GNAS: variants seen among roughly 807,000 people sequenced by gnomAD.
GNAS encodes protein ALEX.
In GNAS, 8 loss-of-function variants were observed where a neutral mutation model predicts 54.5. The ratio of observed to expected loss-of-function variants is 0.15; its 90% confidence interval spans 0.09 to 0.26. GNAS has a LOEUF of 0.26. Among genes scored for constraint, GNAS ranks in the 10% least tolerant of loss-of-function variants. The pLI is 1.00. For missense variants in GNAS, 170 were observed against 529.8 expected (o/e 0.32, Z 6.67); for synonymous variants, 204 against 191.4 (o/e 1.07, Z -0.54).
In GNAS at chr20:58,859,065, T is replaced by G. The variant is rs185189708; in HGVS notation, c.43+18179T>G. 7.6e-4 allele frequency among the ~76,000 whole-genome samples: 116 copies of G among 152,334 alleles called. 1 individual carries two copies. Among genetic ancestry groups the G allele is most frequent in the African/African-American group, 2.7e-3 (111 of 41,576 alleles). The stretch of plus-strand genomic sequence containing the variant: ...TAAAATTTACCCCCATTATTTACAA[T>G]GGAAAACTGGTTTTAAGCAAAAAGA... On this transcript the variant is annotated intron_variant, in intron 1 of 12. Coordinates refer to the GNAS transcript ENST00000306090.
chr20:58,901,733 T>G (rs1366449827), intron 3 of GNAS, among the ~76,000 whole-genome samples: 2 of 152,124 alleles, frequency 1.3e-5, no homozygotes, highest in Non-Finnish European at 2.9e-5. Context: ...CACAGACATT[T>G]ATTCAGAAAG....
At chr20:58,886,143 G>A (rs1437799682) in intron 1 of GNAS, among the ~76,000 whole-genome samples, 2 of 152,174 alleles carry the variant, frequency 1.3e-5, no homozygotes, top group African/African-American at 2.4e-5. Context: ...CAGGGGCCAA[G>A]GAACACAAAC....
intron 2 of GNAS, chr20:58,897,933 C>T (rs1239343003): frequency 6.6e-6 from 1 of 152,210 alleles, no homozygotes; most frequent in Non-Finnish European, 1.5e-5. Context: ...AGGGTTCTTC[C>T]TCCCTGATCT....
upstream of GNAS, among the ~76,000 whole-genome samples, chr20:58,887,079 C>T (rs2088640641): frequency 6.6e-6 from 1 of 152,160 alleles, no homozygotes; most frequent in African/African-American, 2.4e-5. Flanking sequence ...TTTTAAAGTT[C>T]AGGTGTGATG....
Position 58,909,731 on chromosome 20 carries a change from G to A in GNAS, c.766G>A (p.Val256Ile). The A allele has an allele frequency of 6.2e-7, 1 of 1,614,118 alleles. No individual in the cohort carries two copies. Among genetic ancestry groups the A allele is most frequent in the Non-Finnish European group, 8.5e-7 (1 of 1,179,996 alleles). ...FVVASSSYNM[V>I]IREDNQTNRL... is the part of the protein sequence containing the mutation. ...GGTGGCCAGCAGCAGCTACAACATG[G>A]TCATCCGGGAGGACAACCAGACCAA... Residue 256 changes from valine to isoleucine, a missense_variant, in exon 10 of 13, where the codon GTC becomes ATC. Coordinates refer to ENST00000371085, the MANE Select transcript of GNAS (RefSeq NM_000516.7). This position sits in a 1 kb window ranked among gnomAD's most constrained non-coding sequence, Gnocchi z 7.3.
chr20:58,875,026 T>C (rs974925728), intron 1 of GNAS, among the ~76,000 whole-genome samples: 2 of 152,330 alleles, frequency 1.3e-5, no homozygotes, highest in Admixed American at 6.5e-5. Flanking sequence ...GACCTTTATG[T>C]TTTTTTGAAA....
chr20:58,891,126 C>CG (rs1336709369), upstream of GNAS, among the ~76,000 whole-genome samples: 2 of 145,684 alleles, frequency 1.4e-5, no homozygotes, highest in Non-Finnish European at 3.0e-5. Flanking sequence ...TGCCCGAGCC[C>CG]GGGGGGTGGG....
At chr20:58,855,851 G>C in intron 1 of GNAS, 1 of 567,990 alleles carries the variant, frequency 1.8e-6, no homozygotes, top group Non-Finnish European at 3.1e-6. Flanking sequence ...AGTGTCCCCT[G>C]TTCCTATCCC....
At chr20:58,892,668 C>G (rs1003612309) in intron 1 of GNAS, among the ~76,000 whole-genome samples, 1 of 151,882 alleles carries the variant, frequency 6.6e-6, no homozygotes, top group Non-Finnish European at 1.5e-5. Flanking sequence ...AGACGTGTCC[C>G]GGGCCAGGCC....
intron 1 of GNAS, among the ~76,000 whole-genome samples, chr20:58,879,928 C>T (rs949016774): frequency 7.9e-5 from 12 of 152,120 alleles, no homozygotes; most frequent in African/African-American, 1.2e-4. Flanking sequence ...AGAAGCATTT[C>T]GCTTTTACAG....
intron 1 of GNAS, chr20:58,850,554 C>T: frequency 2.5e-6 from 1 of 398,846 alleles, no homozygotes; most frequent in East Asian, 3.6e-5. Flanking sequence ...GGCTCAGCAT[C>T]CCTGGGGCCT....
rs1600661331 is a variant in GNAS at position 58,841,793 on chromosome 20, G to A, written c.43+907G>A. 1.6e-6 allele frequency: 2 copies of A among 1,230,758 alleles called. No homozygotes were observed. The highest frequency in any genetic ancestry group is 3.2e-5 in the East Asian group (1 of 31,692). The allele number at this position is 1,230,758 out of a possible 1,614,324, so 76.2% of individuals were successfully genotyped here. ...TTTGGCGCAGCTGGTCGGGTGGCCA[G>A]GCTGCATGCGGCTTAGCAGGAGACG... On this transcript the variant is annotated intron_variant, in intron 1 of 12. Transcript: ENST00000306090. This position sits in a 1 kb window ranked among gnomAD's most constrained non-coding sequence, Gnocchi z 5.0.
chr20:58,908,449 C>T (rs999993231), intron 6 of GNAS, among the ~76,000 whole-genome samples: 3 of 151,760 alleles, frequency 2.0e-5, no homozygotes, highest in Non-Finnish European at 2.9e-5. Context: ...TTGTGCCAAC[C>T]TCTTTTGTTC....
intron 1 of GNAS, among the ~76,000 whole-genome samples, chr20:58,886,345 T>C (rs546278629): frequency 5.9e-5 from 9 of 152,354 alleles, no homozygotes; most frequent in African/African-American, 1.9e-4. Flanking sequence ...GGATGTGTTA[T>C]GATCTCAACT....
intron 1 of GNAS, among the ~76,000 whole-genome samples, chr20:58,894,254 A>T (rs2089823438): frequency 6.6e-6 from 1 of 152,248 alleles, no homozygotes; most frequent in African/African-American, 2.4e-5. Flanking sequence ...ACACAGTTTA[A>T]CACTTCTGAA....
At chr20:58,866,613 T>G (rs1378708463) in intron 1 of GNAS, among the ~76,000 whole-genome samples, 1 of 152,250 alleles carries the variant, frequency 6.6e-6, no homozygotes, top group Non-Finnish European at 1.5e-5. Context: ...TGTTATATTT[T>G]GACATAACAC....
intron 6 of GNAS, among the ~76,000 whole-genome samples, chr20:58,905,894 A>G (rs1395464648): frequency 6.6e-6 from 1 of 152,084 alleles, no homozygotes; most frequent in African/African-American, 2.4e-5. Context: ...AGACATAGCT[A>G]CGCCTCCTCT....
At chr20:58,867,931 A>C (rs1026710271) in intron 1 of GNAS, among the ~76,000 whole-genome samples, 1 of 152,194 alleles carries the variant, frequency 6.6e-6, no homozygotes. Flanking sequence ...CTCAGGTGCC[A>C]GGGATGAATC....
chr20:58,841,613 C>T lies in GNAS; in HGVS notation c.43+727C>T. 1 of 1,045,070 alleles carries T rather than the reference C, an allele frequency of 9.6e-7. No individual in the cohort carries two copies. The highest frequency in any genetic ancestry group is 1.2e-6 in the Non-Finnish European group (1 of 869,066). The allele number at this position is 1,045,070 out of a possible 1,614,324, so 64.7% of individuals were successfully genotyped here. On this transcript the variant is annotated intron_variant, in intron 1 of 12. Transcript: ENST00000306090. The surrounding 1 kb of genome is among the most constrained non-coding windows in gnomAD (Gnocchi z 5.0). ...CCGCCTCAAAGAGCGTGCGCACCTG[C>T]CCGCGCGCGCCGGAGCTGACCTCTC...
Sources: allele counts gnomAD v4.1 joint callset (sites outside exome capture counted in the v4.1 genomes callset), GRCh38; gene constraint gnomAD v4.1.1; non-coding constraint Gnocchi (gnomAD v3.1); transcripts MANE v1.5; gene names NCBI Gene and HGNC (gene_info 2026-07-23, HGNC 2026-07-21).